The following MSRA variants were observed in gnomAD, a reference collection of about 807,000 sequenced individuals.
The protein encoded by MSRA is methionine sulfoxide reductase A.
Under a neutral mutation model 31.3 loss-of-function variants are expected in MSRA, and 54 were observed. The ratio of observed to expected loss-of-function variants is 1.73; its 90% CI spans 1.39 to 2.17. The LOEUF (loss-of-function observed/expected upper bound fraction) is 2.17. Ranked by LOEUF, MSRA falls within the 30% of genes most tolerant of loss-of-function variation. The pLI is 0.00. For synonymous variants in MSRA, 169 were observed against 116.5 expected (o/e 1.45, Z -2.90); for missense variants, 507 against 300.9 (o/e 1.69, Z -5.07).
At chr8:10,091,856 C>T (rs1254575540) in intron 1 of MSRA, among the ~76,000 whole-genome samples, 2 of 152,136 alleles carry the variant, frequency 1.3e-5, no homozygotes, top group African/African-American at 4.8e-5. Context: ...ATCTGCTTGG[C>T]TTGGCCTCCC....
intron 2 of MSRA, among the ~76,000 whole-genome samples, chr8:10,212,265 G>C (rs1809570643): frequency 6.6e-6 from 1 of 152,068 alleles, no homozygotes; most frequent in South Asian, 2.1e-4. Flanking sequence ...AGAGTAAAAA[G>C]AGTGCTGTGA....
chr8:10,244,204 G>A (rs1450059282), intron 2 of MSRA, among the ~76,000 whole-genome samples: 2 of 152,184 alleles, frequency 1.3e-5, no homozygotes, highest in Non-Finnish European at 2.9e-5. Context: ...AAATTTGAGT[G>A]AGGCAGTAAT....
At chr8:10,088,146 C>G (rs938453221) in intron 1 of MSRA, among the ~76,000 whole-genome samples, 18 of 152,274 alleles carry the variant, frequency 1.2e-4, no homozygotes, top group Middle Eastern at 3.4e-3. Context: ...CTGCCACTCT[C>G]AAGAGACTTC....
At chr8:10,210,826 C>T (rs767031084) in intron 2 of MSRA, among the ~76,000 whole-genome samples, 13 of 151,830 alleles carry the variant, frequency 8.6e-5, no homozygotes, top group South Asian at 6.2e-4. Flanking sequence ...CTCCACTTCC[C>T]GAGTTCAAGC....
chr8:10,152,963 A>C (rs1019090528), intron 1 of MSRA, among the ~76,000 whole-genome samples: 4 of 152,200 alleles, frequency 2.6e-5, no homozygotes, highest in Non-Finnish European at 5.9e-5. Context: ...AGTGAAATTC[A>C]TAGAGACAGA....
At chr8:10,112,159 A>G (rs1800338797) in intron 1 of MSRA, among the ~76,000 whole-genome samples, 1 of 151,994 alleles carries the variant, frequency 6.6e-6, no homozygotes, top group Non-Finnish European at 1.5e-5. Context: ...CTGTCTCCTT[A>G]TTTTAAAAGA....
At chr8:10,206,059 T>G (rs1808939350) in intron 1 of MSRA, among the ~76,000 whole-genome samples, 1 of 152,246 alleles carries the variant, frequency 6.6e-6, no homozygotes, top group Admixed American at 6.5e-5. Flanking sequence ...TGTTTTTTTC[T>G]TAAGGTGTAT....
At chr8:10,398,899 T>A (rs180755640) in intron 5 of MSRA, among the ~76,000 whole-genome samples, 66 of 152,336 alleles carry the variant, frequency 4.3e-4, no homozygotes, top group African/African-American at 1.3e-3. Context: ...TGGGGCTGCA[T>A]TGAGCCTCTC....
intron 1 of MSRA, among the ~76,000 whole-genome samples, chr8:10,065,176 T>C (rs1230494750): frequency 6.6e-6 from 1 of 151,946 alleles, no homozygotes; most frequent in African/African-American, 2.4e-5. Context: ...CCCCGAGATG[T>C]GTGCATCAGC....
intron 1 of MSRA, among the ~76,000 whole-genome samples, chr8:10,144,392 A>G (rs912480554): frequency 6.6e-6 from 1 of 152,168 alleles, no homozygotes; most frequent in South Asian, 2.1e-4. Context: ...AAACCAGCGT[A>G]ATAGTAGTAC....
intron 1 of MSRA, among the ~76,000 whole-genome samples, chr8:10,161,702 T>A (rs1585063619): frequency 6.6e-6 from 1 of 151,398 alleles, no homozygotes; most frequent in African/African-American, 2.4e-5. Flanking sequence ...GCATCTGGGG[T>A]CAGAGCTGAA....
chr8:10,329,649 C>T (rs1440627344), intron 5 of MSRA, among the ~76,000 whole-genome samples: 1 of 152,148 alleles, frequency 6.6e-6, no homozygotes. Context: ...GGTCTCCAAC[C>T]TGCCAGTGTC....
At chr8:10,416,776 C>A (rs1407018709) in intron 5 of MSRA, among the ~76,000 whole-genome samples, 2 of 152,224 alleles carry the variant, frequency 1.3e-5, no homozygotes, top group African/African-American at 4.8e-5. Context: ...GCATTTCTTG[C>A]AAACTTTGCA....
chr8:10,117,629 T>G (rs138271930), intron 1 of MSRA, among the ~76,000 whole-genome samples: 2 of 152,316 alleles, frequency 1.3e-5, no homozygotes, highest in African/African-American at 4.8e-5. Flanking sequence ...AGTCTGTAAT[T>G]TGATGGTACT....
chr8:10,158,763 G>C (rs749670955), intron 1 of MSRA, among the ~76,000 whole-genome samples: 9 of 152,130 alleles, frequency 5.9e-5, no homozygotes, highest in Non-Finnish European at 8.8e-5. Flanking sequence ...TGGAATTGCT[G>C]GGTCATATGG....
intron 2 of MSRA, among the ~76,000 whole-genome samples, chr8:10,224,495 GA>G (rs5889325): frequency 6.6e-6 from 1 of 150,852 alleles, no homozygotes; most frequent in African/African-American, 2.4e-5. Flanking sequence ...ATTACCAGAA[GA>G]AAAAAAAAGA....
chr8:10,331,121 C>T (rs1382288413), intron 5 of MSRA, among the ~76,000 whole-genome samples: 2 of 152,198 alleles, frequency 1.3e-5, no homozygotes. Flanking sequence ...TTGGAATAAA[C>T]CTACCTTGCC....
At chr8:10,390,800 C>T (rs1806693776) in intron 5 of MSRA, among the ~76,000 whole-genome samples, 1 of 151,996 alleles carries the variant, frequency 6.6e-6, no homozygotes, top group African/African-American at 2.4e-5. Context: ...ACAAGGAAAC[C>T]CTGTCTCTAC....
intron 3 of MSRA, among the ~76,000 whole-genome samples, chr8:10,259,134 T>C (rs761533259): frequency 6.6e-6 from 1 of 151,702 alleles, no homozygotes; most frequent in Non-Finnish European, 1.5e-5. Flanking sequence ...CAGATATATA[T>C]GTTCATCTGT....
Sources: allele counts gnomAD v4.1 joint callset (sites outside exome capture counted in the v4.1 genomes callset), GRCh38; gene constraint gnomAD v4.1.1; transcripts MANE v1.5; gene names NCBI Gene and HGNC (gene_info 2026-07-23, HGNC 2026-07-21).